WDR7: variants seen among roughly 807,000 people sequenced by gnomAD.
WDR7 encodes the protein WD repeat-containing protein 7.
Under a neutral mutation model 169.4 loss-of-function variants are expected in WDR7, and 46 were observed. That is an observed-to-expected ratio of 0.27 (90% confidence interval 0.21 to 0.35). The LOEUF (loss-of-function observed/expected upper bound fraction) is 0.35. WDR7 is among the 10% of genes least tolerant of loss of function. WDR7 has a pLI of 1.00. For missense variants in WDR7, 1,534 were observed against 1,859.3 expected (o/e 0.83, Z 3.22); for synonymous variants, 612 against 666.8 (o/e 0.92, Z 1.27).
chr18:56,897,374 A>G (rs1000071464), intron 21 of WDR7, among the ~76,000 whole-genome samples: 1 of 145,946 alleles, frequency 6.9e-6, no homozygotes, highest in Non-Finnish European at 1.5e-5. Flanking sequence ...GCGCATGTGC[A>G]TTAAGTATTG....
At chr18:56,755,049 T>G (rs2043863118) in intron 14 of WDR7, among the ~76,000 whole-genome samples, 1 of 152,128 alleles carries the variant, frequency 6.6e-6, no homozygotes, top group South Asian at 2.1e-4. Context: ...TTTCCCTATA[T>G]TCTCCCTTTA....
intron 19 of WDR7, among the ~76,000 whole-genome samples, chr18:56,803,143 T>C (rs1285327164): frequency 1.3e-5 from 2 of 152,212 alleles, no homozygotes; most frequent in Admixed American, 6.5e-5. Flanking sequence ...TATTCTTATC[T>C]ATAAAATAAC....
rs960094474 is a variant in WDR7, at chr18:56,696,520, T to C, written c.1578+58T>C. ...ATGGTAGAGCCAAGTTATATTACTA[T>C]CAGGAATGTAAATGGAATCTAGACT... is the stretch of plus-strand genomic sequence containing the variant. On this transcript the variant is annotated intron_variant, in intron 12 of 27. Transcript: ENST00000254442. The C allele has an allele frequency of 1.7e-5, 23 of 1,317,036 alleles. No individual in the cohort carries two copies. The East Asian group carries it at 5.3e-4, about 31-fold the overall frequency. 81.6% of individuals were successfully genotyped at this position (1,317,036 alleles called of 1,614,324 possible). A position where few individuals can be genotyped will look rare whatever the true frequency, so the allele number is the denominator to read the frequency against.
intron 21 of WDR7, among the ~76,000 whole-genome samples, chr18:56,894,417 T>C (rs2046304360): frequency 6.6e-6 from 1 of 151,520 alleles, no homozygotes; most frequent in South Asian, 2.1e-4. Flanking sequence ...GGCATACTAG[T>C]CACTCCTTCT....
At chr18:56,968,870 T>C (rs147277767) in intron 26 of WDR7, among the ~76,000 whole-genome samples, 1 of 152,348 alleles carries the variant, frequency 6.6e-6, no homozygotes, top group East Asian at 1.9e-4. Context: ...TCTCATTTAC[T>C]GGATTTCCTA....
At chr18:56,928,844 A>T (rs1242171653) in intron 22 of WDR7, among the ~76,000 whole-genome samples, 1 of 152,096 alleles carries the variant, frequency 6.6e-6, no homozygotes, top group Non-Finnish European at 1.5e-5. Flanking sequence ...TAAGATTCAA[A>T]CCCTACTCTA....
intron 27 of WDR7, among the ~76,000 whole-genome samples, chr18:57,024,181 T>G (rs2048326231): frequency 6.6e-6 from 1 of 152,156 alleles, no homozygotes; most frequent in South Asian, 2.1e-4. Context: ...TTTTCCACAA[T>G]GAGTATTTAC....
chr18:57,014,109 T>A (rs1409025266), intron 26 of WDR7, among the ~76,000 whole-genome samples: 4 of 152,020 alleles, frequency 2.6e-5, no homozygotes, highest in African/African-American at 9.7e-5. Context: ...GTGGATCACT[T>A]GGGGTCAGGA....
chr18:56,813,927 C>T (rs2145207290), intron 19 of WDR7, among the ~76,000 whole-genome samples: 1 of 152,282 alleles, frequency 6.6e-6, no homozygotes, highest in South Asian at 2.1e-4. Flanking sequence ...TGGCACAGCA[C>T]AGGAGCTCTA....
chr18:56,653,186 C>A (rs1169399968), intron 1 of WDR7, among the ~76,000 whole-genome samples: 1 of 151,514 alleles, frequency 6.6e-6, no homozygotes, highest in Non-Finnish European at 1.5e-5. Flanking sequence ...TTCAAGGCAT[C>A]TCCCCTGCCT....
In WDR7 at chr18:56,776,850, G is replaced by T. The variant is rs2044250132; in HGVS notation, c.2917G>T (p.Ala973Ser). 1 of 1,613,710 alleles carries T rather than the reference G, an allele frequency of 6.2e-7. No individual in the cohort carries two copies. Among genetic ancestry groups the T allele is most frequent in the Non-Finnish European group, 8.5e-7 (1 of 1,179,866 alleles). ...HSGSDPPSAP[A>S]LHTCFLVNEG... The stretch of plus-strand genomic sequence containing the variant: ...TGGCTCTGACCCTCCTTCTGCTCCT[G>T]CTTTACATACCTGTTTCTTAGTAAA... Residue 973 changes from alanine (A) to serine (S), a missense_variant, in exon 17 of 28, where the codon GCT becomes TCT. Coordinates refer to ENST00000254442, the MANE Select transcript of WDR7 (RefSeq NM_015285.3).
intron 12 of WDR7, among the ~76,000 whole-genome samples, chr18:56,709,003 T>G (rs2026024764): frequency 6.6e-6 from 1 of 151,950 alleles, no homozygotes; most frequent in Non-Finnish European, 1.5e-5. Context: ...TTTAACCATC[T>G]CAGTCTCTAA....
At chr18:56,747,936 T>C (rs768831402) in intron 14 of WDR7, among the ~76,000 whole-genome samples, 22 of 152,138 alleles carry the variant, frequency 1.4e-4, no homozygotes, top group Admixed American at 2.0e-4. Context: ...ATTATCAGTC[T>C]TATCCTTGTT....
At chr18:56,979,723 G>A (rs1479013238) in intron 26 of WDR7, among the ~76,000 whole-genome samples, 1 of 152,146 alleles carries the variant, frequency 6.6e-6, no homozygotes, top group African/African-American at 2.4e-5. Flanking sequence ...TACTAGGCTA[G>A]TGCTACACAC....
intron 26 of WDR7, among the ~76,000 whole-genome samples, chr18:56,990,774 C>G (rs1414453885): frequency 1.3e-5 from 2 of 152,164 alleles, no homozygotes; most frequent in East Asian, 3.9e-4. Flanking sequence ...ATTGCTCCAG[C>G]TTTTTCTCAC....
intron 22 of WDR7, among the ~76,000 whole-genome samples, chr18:56,926,299 C>T (rs894388946): frequency 3.9e-5 from 6 of 152,178 alleles, no homozygotes; most frequent in African/African-American, 7.2e-5. Context: ...CTGCCATGTG[C>T]ACCCGCCACA....
At chr18:56,821,368 G>A (rs7232659) in intron 20 of WDR7, among the ~76,000 whole-genome samples, 17,905 of 152,064 alleles carry the variant, frequency 0.12, 1,547 homozygotes, top group African/African-American at 0.24. Flanking sequence ...ATATGTAGTT[G>A]AGGAAACAAG....
chr18:56,772,570 G>A (rs1314554327), intron 16 of WDR7, among the ~76,000 whole-genome samples: 2 of 152,022 alleles, frequency 1.3e-5, no homozygotes, highest in African/African-American at 2.4e-5. Context: ...TCCCCAGCAA[G>A]GTGTCCAAGG....
intron 19 of WDR7, among the ~76,000 whole-genome samples, chr18:56,793,036 C>CGT: frequency 6.6e-6 from 1 of 152,288 alleles, no homozygotes; most frequent in East Asian, 1.9e-4. Flanking sequence ...AGTACACTAA[C>CGT]AGAGTGCCAG....
Sources: allele counts gnomAD v4.1 joint callset (sites outside exome capture counted in the v4.1 genomes callset), GRCh38; gene constraint gnomAD v4.1.1; transcripts MANE v1.5; gene names NCBI Gene and HGNC (gene_info 2026-07-23, HGNC 2026-07-21).